BTBD1: variants seen among roughly 807,000 people sequenced by gnomAD.
BTBD1 encodes BTB domain containing 1.
BTBD1 carries 34 observed loss-of-function variants against 48.0 expected under a neutral mutation model. That is an observed-to-expected ratio of 0.71 (90% CI 0.54 to 0.94). BTBD1 has a LOEUF of 0.94. BTBD1 is among the 40% of genes least tolerant of loss of function. The pLI, the probability that BTBD1 is intolerant of heterozygous loss-of-function variation, is 0.00. For synonymous variants in BTBD1, 261 were observed against 242.1 expected, an observed-to-expected ratio of 1.08 and a Z score of -0.72; for missense variants, 543 against 625.6, an observed-to-expected ratio of 0.87 and a Z score of 1.41.
At chr15:83,018,640 G>T in intron 7 of BTBD1, 67 bp downstream of exon 7, 1 of 1,557,434 alleles carries the variant, frequency 6.4e-7, no homozygotes, top group Non-Finnish European at 8.7e-7. Context: ...GTGACTCTCA[G>T]CTTCTAAAAC....
chr15:83,041,991 C>T (rs1321433586), intron 3 of BTBD1, 66 bp from the exon 4 acceptor site: 13 of 1,338,202 alleles, frequency 9.7e-6, no homozygotes, highest in Non-Finnish European at 1.4e-5. Context: ...GCAATACCAA[C>T]AGACACACTT....
At chr15:83,042,664 G>A (rs1031471026) in intron 3 of BTBD1, among the ~76,000 whole-genome samples, 2 of 152,072 alleles carry the variant, frequency 1.3e-5, no homozygotes, top group Non-Finnish European at 2.9e-5. Context: ...GATTACAGGC[G>A]TGAGCCACCG....
chr15:83,018,048 G>T lies in BTBD1; in HGVS notation c.*19C>A. ...AGATTGTATGGTATTATTTAGCCAA[G>T]ATGTATTATAATGCTAAATTATGTA... On this transcript the variant is annotated 3_prime_UTR_variant, in exon 8 of 8. Coordinates refer to ENST00000261721, the MANE Select transcript of BTBD1 (RefSeq NM_025238.4). 1 of 1,544,932 alleles carries T rather than the reference G, an allele frequency of 6.5e-7. No individual in the cohort carries two copies. Among genetic ancestry groups the T allele is most frequent in the African/African-American group, 1.4e-5 (1 of 72,972 alleles).
intron 5 of BTBD1, among the ~76,000 whole-genome samples, chr15:83,027,822 C>A (rs1319757173): frequency 1.3e-5 from 2 of 152,168 alleles, no homozygotes; most frequent in Admixed American, 6.5e-5. Context: ...TAAGACATAA[C>A]ACGCCTGTAC....
At chr15:83,040,715 A>C (rs2032737130) in intron 4 of BTBD1, among the ~76,000 whole-genome samples, 2 of 151,590 alleles carry the variant, frequency 1.3e-5, no homozygotes, top group Non-Finnish European at 2.9e-5. Context: ...AAAAAAAAAA[A>C]AAAAAACCAT....
intron 1 of BTBD1, among the ~76,000 whole-genome samples, chr15:83,064,150 T>C (rs1372718125): frequency 1.3e-5 from 2 of 152,222 alleles, no homozygotes; most frequent in African/African-American, 4.8e-5. Flanking sequence ...GTTAACTAAT[T>C]CAGGATGTTT....
intron 5 of BTBD1, among the ~76,000 whole-genome samples, chr15:83,026,010 C>T (rs947545967): frequency 6.6e-6 from 1 of 152,064 alleles, no homozygotes; most frequent in Non-Finnish European, 1.5e-5. Flanking sequence ...ACCTTGTGAT[C>T]CGCCCGCCTC....
intron 5 of BTBD1, among the ~76,000 whole-genome samples, chr15:83,021,807 TATA>T (rs1294605107): frequency 6.6e-6 from 1 of 150,758 alleles, no homozygotes; most frequent in Non-Finnish European, 1.5e-5. Flanking sequence ...CTGACATAAT[TATA>T]ATGTCTTACA....
At position 83,029,721 on chromosome 15, in the gene BTBD1, A is replaced by C. The variant is rs1343552816; in HGVS notation, c.1055+415T>G. On this transcript the variant is annotated intron_variant, in intron 5 of 7. Coordinates refer to ENST00000261721, the MANE Select transcript of BTBD1 (RefSeq NM_025238.4). ...ACCCCGTCTCTACTAAAAATCCAAA[A>C]AGATTAGCTGGGCGTGGTGATGCAT... The C allele has an allele frequency of 2.5e-5, 4 of 162,164 alleles. No individual in the cohort carries two copies. The South Asian group carries it at 6.5e-4, about 26-fold the overall frequency. The allele number at this position is 162,164 out of a possible 1,614,324, so 10.0% of individuals were successfully genotyped here.
At chr15:83,064,765 GAA>G (rs1452347595) in intron 1 of BTBD1, among the ~76,000 whole-genome samples, 1 of 152,028 alleles carries the variant, frequency 6.6e-6, no homozygotes, top group Admixed American at 6.6e-5. Context: ...AGATCATTTT[GAA>G]AACTACTTCT....
At chr15:83,052,735 A>G (rs193295716) in intron 2 of BTBD1, among the ~76,000 whole-genome samples, 84 of 144,860 alleles carry the variant, frequency 5.8e-4, no homozygotes, top group African/African-American at 1.9e-3. Context: ...GGTTCACACC[A>G]TTCTACTGCC....
intron 6 of BTBD1, among the ~76,000 whole-genome samples, chr15:83,019,057 T>C (rs1002611339): frequency 3.3e-5 from 5 of 150,580 alleles, no homozygotes; most frequent in Admixed American, 1.3e-4. Context: ...TTGGTGGGTG[T>C]GTGTGTGTGT....
intron 5 of BTBD1, chr15:83,024,411 AT>A (rs2151300230): frequency 6.6e-6 from 1 of 152,324 alleles, no homozygotes; most frequent in Admixed American, 6.5e-5. Context: ...CTTTATGGTG[AT>A]TTTGTACTTA....
Position 83,037,980 on chromosome 15 carries a change from A to G in BTBD1, c.862+3748T>C, listed in dbSNP as rs1019443883. Among the ~76,000 whole-genome samples, 8 of 152,166 alleles carry G rather than the reference A, an allele frequency of 5.3e-5. No homozygotes were observed. In the South Asian group the frequency reaches 6.2e-4, roughly 12 times the overall value. The stretch of plus-strand genomic sequence containing the variant: ...GCACCTGTAATCCCAGCTACTCGGG[A>G]GGCTGAGGCAGGAGAATCTCTTGAA... On this transcript the variant is annotated intron_variant, in intron 4 of 7. Transcript: ENST00000261721.
intron 5 of BTBD1, among the ~76,000 whole-genome samples, chr15:83,023,574 C>T (rs1235871754): frequency 3.3e-5 from 5 of 151,324 alleles, no homozygotes; most frequent in East Asian, 1.9e-4. Context: ...TTTGTAGATG[C>T]GGGGTCTCAC....
rs148231051 is a variant in BTBD1 at position 83,030,186 on chromosome 15, G to C, written c.1005C>G (p.Phe335Leu). Residue 335 changes from phenylalanine to leucine, a missense_variant, in exon 5 of 8, where the codon TTC (phenylalanine) becomes TTG (leucine). Transcript: ENST00000261721. Reference sequence around the variant, plus strand: ...AACCCCAGCGGCTTTCTACTTGCTGGAATCTATTGATGCAGCATTCCTTTC... The same window carrying C: ...AACCCCAGCGGCTTTCTACTTGCTGCAATCTATTGATGCAGCATTCCTTTC... ...LRGKECCINRFQQVESRWGYS... is the reference protein window; with the variant it reads ...LRGKECCINRLQQVESRWGYS... 1.9e-6 allele frequency: 3 copies of C among 1,613,852 alleles called. No individual in the cohort carries two copies. The highest frequency in any genetic ancestry group is 2.5e-6 in the Non-Finnish European group (3 of 1,180,014).
chr15:83,059,074 C>G (rs931644830), intron 1 of BTBD1, among the ~76,000 whole-genome samples: 12 of 152,180 alleles, frequency 7.9e-5, no homozygotes, highest in Admixed American at 5.9e-4. Flanking sequence ...TCTGAAGACA[C>G]AGACTGAAGA....
rs1770377620 is a variant in BTBD1, at chr15:83,044,809, G to A, written c.665-2884C>T. On this transcript the variant is annotated intron_variant, in intron 3 of 7. Coordinates refer to ENST00000261721, the MANE Select transcript of BTBD1 (RefSeq NM_025238.4). ...CACTTTGGACAGGAGTTAACTAATA[G>A]AATGATCAAGCTCAGTTCAATGAGC... 2.5e-6 allele frequency: 3 copies of A among 1,197,866 alleles called. No individual in the cohort carries two copies. In the African/African-American group the frequency reaches 4.5e-5, roughly 18 times the overall value. The allele number at this position is 1,197,866 out of a possible 1,614,324, so 74.2% of individuals were successfully genotyped here. A position where few individuals can be genotyped will look rare whatever the true frequency, so the allele number is the denominator to read the frequency against.
rs770405819 is a variant in BTBD1, at chr15:83,030,278, GAA to G, written c.911_912del (p.Phe304SerfsTer8). 1.9e-6 allele frequency: 3 copies of G among 1,613,944 alleles called. No homozygotes were observed. The highest frequency in any genetic ancestry group is 3.3e-5 in the Admixed American group (2 of 59,980). Reference protein sequence around the residue: ...ILSDREVVNLFLHFTVNPKPR... With the variant: ...ILSDREVVNLXLHFTVNPKPR... ...GGTTTAGGGTTGACAGTAAAATGAA[GAA>G]AGAGGTTTACCACTTCACGATCTGA... On this transcript the variant is annotated frameshift_variant, in exon 5 of 8. Transcript: ENST00000261721. LOFTEE classifies it high-confidence loss of function.
Sources: gnomAD v4.1 joint callset for allele counts (sites outside exome capture counted in the v4.1 genomes callset) on GRCh38, gnomAD v4.1.1 for gene constraint, MANE v1.5 for transcripts, NCBI Gene and HGNC (gene_info 2026-07-23, HGNC 2026-07-21) for gene names.